NDST3: variants seen among roughly 807,000 people sequenced by gnomAD.
The protein encoded by NDST3 is N-deacetylase and N-sulfotransferase 3.
In NDST3, 58 loss-of-function variants were observed where a neutral mutation model predicts 96.1. The ratio of observed to expected loss-of-function variants is 0.60; its 90% CI spans 0.49 to 0.75. The LOEUF (loss-of-function observed/expected upper bound fraction) is 0.75, where lower values mean the gene tolerates loss of function less well. NDST3 is among the 30% of genes least tolerant of loss of function. NDST3 has a pLI of 0.00. For missense variants in NDST3, 788 were observed against 1,034.2 expected, an observed-to-expected ratio of 0.76 and a Z score of 3.27; for synonymous variants, 333 against 359.7, an observed-to-expected ratio of 0.93 and a Z score of 0.84.
chr4:118,048,130 A>C (rs561300067), intron 1 of NDST3, among the ~76,000 whole-genome samples: 2 of 152,320 alleles, frequency 1.3e-5, no homozygotes, highest in East Asian at 3.9e-4. Context: ...CACCAAACTA[A>C]GCTTCTTGGG....
intron 4 of NDST3, among the ~76,000 whole-genome samples, chr4:118,131,732 T>A (rs1732631825): frequency 6.6e-6 from 1 of 152,068 alleles, no homozygotes; most frequent in Non-Finnish European, 1.5e-5. Flanking sequence ...TTTGTGCTTG[T>A]CCTTGGGAAG....
In NDST3 at chr4:118,054,016, G is replaced by A; in HGVS notation, c.106G>A (p.Gly36Ser). The A allele has an allele frequency of 1.2e-6, 2 of 1,612,802 alleles. No individual in the cohort carries two copies. Among genetic ancestry groups the A allele is most frequent in the Non-Finnish European group, 1.7e-6 (2 of 1,179,176 alleles). The stretch of plus-strand genomic sequence containing the variant: ...CATTTCTGCTTACTACCTGTACAGT[G>A]GCTACAAACAGGAAAATGAACTCTC... ...IIISAYYLYS[G>S]YKQENELSET... The change falls in exon 2 of 14, where the codon GGC becomes AGC. Residue 36 changes from glycine (G) to serine (S), a missense_variant. Gly to Ser is a moderately conservative substitution (Grantham distance 56). Coordinates refer to ENST00000296499, the MANE Select transcript of NDST3 (RefSeq NM_004784.3).
At chr4:118,126,653 TGA>T (rs1410210775) in intron 4 of NDST3, among the ~76,000 whole-genome samples, 1 of 151,982 alleles carries the variant, frequency 6.6e-6, no homozygotes, top group Non-Finnish European at 1.5e-5. Context: ...GCAACGAACA[TGA>T]GAGTGCAGAT....
At chr4:118,082,750 G>A (rs537893464) in intron 2 of NDST3, among the ~76,000 whole-genome samples, 13 of 152,120 alleles carry the variant, frequency 8.5e-5, no homozygotes, top group Admixed American at 6.6e-4. Context: ...GTCTGTTCTC[G>A]CATTGCTATG....
intron 3 of NDST3, among the ~76,000 whole-genome samples, chr4:118,111,057 A>G (rs943472989): frequency 6.6e-6 from 1 of 152,200 alleles, no homozygotes; most frequent in Non-Finnish European, 1.5e-5. Context: ...AAGTAAATCA[A>G]TGCAAGAGCA....
At chr4:118,251,835 A>C (rs1336885946) in intron 12 of NDST3, among the ~76,000 whole-genome samples, 1 of 152,210 alleles carries the variant, frequency 6.6e-6, no homozygotes, top group Non-Finnish European at 1.5e-5. Context: ...AATATAGTCC[A>C]CTGGAGTTTT....
intron 6 of NDST3, among the ~76,000 whole-genome samples, chr4:118,197,677 T>C (rs1273820054): frequency 1.3e-5 from 2 of 149,448 alleles, no homozygotes; most frequent in African/African-American, 2.6e-5. Context: ...TTTCCATCCC[T>C]TTATTTTCCA....
chr4:118,182,512 C>T (rs558062710), intron 6 of NDST3, among the ~76,000 whole-genome samples: 25 of 152,192 alleles, frequency 1.6e-4, no homozygotes, highest in African/African-American at 5.5e-4. Flanking sequence ...TCTGTGACAA[C>T]AGGCAAATGA....
In NDST3 at chr4:118,143,556, G is replaced by T; in HGVS notation, c.1411G>T (p.Val471Phe). The stretch of plus-strand genomic sequence containing the variant: ...CTTACTTTTTTCATTTTTCCTTCAG[G>T]TTCTCCCAAGACAAACCTGTGGGCT... ...RRGFIHKNIMVLPRQTCGLFT... is the reference protein window; with the variant it reads ...RRGFIHKNIMFLPRQTCGLFT... The change falls in exon 6 of 14, where the codon GTT (valine) becomes TTT (phenylalanine). Residue 471 changes from valine (V) to phenylalanine (F), a missense_variant and splice_region_variant. This residue lies in a region of NDST3 where 490 missense variants were observed against 708.8 expected (regional missense o/e 0.69). Coordinates refer to ENST00000296499, the MANE Select transcript of NDST3 (RefSeq NM_004784.3). 6.3e-7 allele frequency: 1 copy of T among 1,592,152 alleles called. No individual in the cohort carries two copies. Among genetic ancestry groups the T allele is most frequent in the Non-Finnish European group, 8.5e-7 (1 of 1,173,924 alleles).
chr4:118,112,858 G>A (rs762491509), intron 3 of NDST3, among the ~76,000 whole-genome samples: 8 of 152,160 alleles, frequency 5.3e-5, no homozygotes, highest in Middle Eastern at 3.4e-3. Flanking sequence ...ACTCAGAAGC[G>A]CCAAGAATGC....
chr4:118,195,362 A>T (rs1737609336), intron 6 of NDST3, among the ~76,000 whole-genome samples: 1 of 152,198 alleles, frequency 6.6e-6, no homozygotes, highest in Non-Finnish European at 1.5e-5. Context: ...TTCTCATGGT[A>T]GTGAATAAGT....
At position 118,240,593 on chromosome 4, in the gene NDST3, C is replaced by G. The variant is rs536026389; in HGVS notation, c.2188C>G (p.Arg730Gly). 42 of 1,613,836 alleles carry G rather than the reference C, an allele frequency of 2.6e-5. No homozygotes were observed. In the South Asian group the frequency reaches 4.5e-4, roughly 17 times the overall value. ...SFYEVISAGP[R>G]APSELRALQK... is the part of the protein sequence containing the mutation. ...CTACGAAGTGATCTCAGCAGGGCCC[C>G]GTGCACCCTCGGAGCTCAGAGCCTT... Residue 730 changes from arginine to glycine, a missense_variant, in exon 11 of 14, where the codon CGT (arginine) becomes GGT (glycine). Arg to Gly is a moderately radical substitution (Grantham distance 125). This residue lies in a region of NDST3 where 490 missense variants were observed against 708.8 expected (regional missense o/e 0.69). Coordinates refer to ENST00000296499, the MANE Select transcript of NDST3 (RefSeq NM_004784.3).
chr4:118,252,357 A>C (rs1741802103), intron 12 of NDST3, among the ~76,000 whole-genome samples: 2 of 152,192 alleles, frequency 1.3e-5, no homozygotes, highest in Non-Finnish European at 2.9e-5. Context: ...TGTATAGTAC[A>C]AGGTAAATAA....
intron 6 of NDST3, among the ~76,000 whole-genome samples, chr4:118,167,566 A>C (rs1028047823): frequency 2.0e-5 from 3 of 152,000 alleles, no homozygotes; most frequent in African/African-American, 7.2e-5. Context: ...ACAATCCTAA[A>C]ATTCACATGG....
intron 6 of NDST3, among the ~76,000 whole-genome samples, chr4:118,215,406 T>C (rs1009017415): frequency 6.6e-6 from 1 of 152,096 alleles, no homozygotes; most frequent in Non-Finnish European, 1.5e-5. Flanking sequence ...TACGAGGCTA[T>C]TGCTTACCTT....
chr4:118,232,218 A>G (rs1274328801), intron 8 of NDST3, among the ~76,000 whole-genome samples: 1 of 152,156 alleles, frequency 6.6e-6, no homozygotes, highest in Non-Finnish European at 1.5e-5. Context: ...TAATATGTTA[A>G]ATAATAATAT....
chr4:118,082,300 A>C (rs1304115010), intron 2 of NDST3, among the ~76,000 whole-genome samples: 1 of 152,164 alleles, frequency 6.6e-6, no homozygotes, highest in East Asian at 1.9e-4. Context: ...GCAAACTAAC[A>C]AGTCACCCTG....
chr4:118,166,901 C>T (rs766518124), intron 6 of NDST3, among the ~76,000 whole-genome samples: 3 of 151,684 alleles, frequency 2.0e-5, no homozygotes, highest in Non-Finnish European at 3.0e-5. Flanking sequence ...ATTACCTCAA[C>T]GTAATAAAAG....
At chr4:118,096,702 G>GATAT (rs1729342888) in intron 2 of NDST3, among the ~76,000 whole-genome samples, 2 of 151,734 alleles carry the variant, frequency 1.3e-5, no homozygotes, top group South Asian at 4.2e-4. Context: ...TAGATAGATA[G>GATAT]ATAGATAGAC....
Sources: allele counts gnomAD v4.1 joint callset (sites outside exome capture counted in the v4.1 genomes callset), GRCh38; gene constraint gnomAD v4.1.1; regional missense constraint gnomAD v4.1.1; transcripts MANE v1.5; gene names NCBI Gene and HGNC (gene_info 2026-07-23, HGNC 2026-07-21).